CCDC180: variants seen among roughly 807,000 people sequenced by gnomAD.
The protein encoded by CCDC180 is coiled-coil domain-containing protein 180.
A neutral mutation model predicts 209.2 loss-of-function variants in CCDC180; 154 were observed. That is an observed-to-expected ratio of 0.74 (90% confidence interval 0.65 to 0.84). The LOEUF (loss-of-function observed/expected upper bound fraction) is 0.84, where lower values mean the gene tolerates loss of function less well. CCDC180 is among the 40% of genes least tolerant of loss of function. CCDC180 has a pLI of 0.00. For missense variants in CCDC180, 1,874 were observed against 1,997.3 expected (o/e 0.94, Z 1.18); for synonymous variants, 778 against 749.1 (o/e 1.04, Z -0.63).
chr9:97,337,425 T>A (rs1161434157), intron 18 of CCDC180, among the ~76,000 whole-genome samples: 1 of 150,312 alleles, frequency 6.7e-6, no homozygotes, highest in Non-Finnish European at 1.5e-5. Flanking sequence ...GATAATCATG[T>A]GGGTTTTGTC....
At chr9:97,375,716 A>T in intron 36 of CCDC180, 127 bp downstream of exon 36, 2 of 1,116,468 alleles carry the variant, frequency 1.8e-6, no homozygotes, top group East Asian at 5.0e-5. Flanking sequence ...ATGTCAGCAC[A>T]CCCCAGAGCT....
intron 22 of CCDC180, among the ~76,000 whole-genome samples, chr9:97,351,332 TTTG>T (rs1826414493): frequency 1.3e-5 from 2 of 152,212 alleles, no homozygotes; most frequent in African/African-American, 4.8e-5. Flanking sequence ...TCTGGTGTTT[TTTG>T]TTTTTTATAA....
intron 18 of CCDC180, 136 bp downstream of exon 18, chr9:97,330,903 C>T (rs1825724227): frequency 1.1e-6 from 1 of 873,782 alleles, no homozygotes; most frequent in Non-Finnish European, 1.8e-6. Context: ...CAAAAATATT[C>T]ATACTATTCA....
chr9:97,370,896 G>T, intron 33 of CCDC180, 118 bp downstream of exon 33: 4 of 1,081,582 alleles, frequency 3.7e-6, no homozygotes, highest in Non-Finnish European at 5.2e-6. Flanking sequence ...AGGCATGATC[G>T]TGGTTGGGTT....
In CCDC180 at chr9:97,330,756, T is replaced by C; in HGVS notation, c.2263T>C (p.Ser755Pro). ...KEAQEEQESL[S>P]VGEEEDKEEG... is the part of the protein sequence containing the mutation. ...GGCACAGGAAGAGCAAGAGAGTTTA[T>C]CTGTGGGTGAGGTAAGCCAGCAACT... Residue 755 changes from serine (S) to proline (P), a missense_variant, in exon 18 of 37, where the codon TCT (serine) becomes CCT (proline). By Grantham distance (74) the Ser-to-Pro change is moderately conservative. Coordinates refer to ENST00000529487, the MANE Select transcript of CCDC180 (RefSeq NM_020893.6). 1 of 1,597,906 alleles carries C rather than the reference T, an allele frequency of 6.3e-7. No individual in the cohort carries two copies.
intron 25 of CCDC180, among the ~76,000 whole-genome samples, chr9:97,358,397 C>T (rs1221838624): frequency 6.6e-6 from 1 of 152,156 alleles, no homozygotes; most frequent in Non-Finnish European, 1.5e-5. Flanking sequence ...GCTGGGATTA[C>T]AGGTGTGAGC....
Position 97,323,840 on chromosome 9 carries a change from G to T in CCDC180, c.1308G>T (p.Gln436His). The change falls in exon 13 of 37, where the codon CAG becomes CAT. Residue 436 changes from glutamine to histidine, a missense_variant. By Grantham distance (24) the Gln-to-His change is conservative. Coordinates refer to ENST00000529487, the MANE Select transcript of CCDC180 (RefSeq NM_020893.6). ...TEEEAETLVN[Q>H]FFFQMVGALQ... ...AGGAGGCAGAGACCCTGGTGAACCA[G>T]TTCTTCTTCCAGATGGTGGGAGCAC... 1 of 1,556,346 alleles carries T rather than the reference G, an allele frequency of 6.4e-7. No individual in the cohort carries two copies. The highest frequency in any genetic ancestry group is 8.7e-7 in the Non-Finnish European group (1 of 1,149,402).
intron 4 of CCDC180, 68 bp downstream of exon 4, chr9:97,312,269 G>T (rs1204108838): frequency 2.2e-6 from 3 of 1,374,672 alleles, no homozygotes; most frequent in South Asian, 1.2e-5. Context: ...AGGAGGTGGG[G>T]ACGTCTCCTG....
chr9:97,359,255 G>A (rs187365148), intron 25 of CCDC180, among the ~76,000 whole-genome samples: 2 of 152,308 alleles, frequency 1.3e-5, no homozygotes, highest in East Asian at 1.9e-4. Context: ...GAACAGAAAC[G>A]TCCAGTCTCT....
Position 97,365,703 on chromosome 9 carries a change from C to G in CCDC180, c.4011C>G (p.Leu1337=). Residue 1337 remains leucine, a synonymous_variant, in exon 30 of 37, where the codon CTC becomes CTG. Coordinates refer to ENST00000529487, the MANE Select transcript of CCDC180 (RefSeq NM_020893.6). ...TTAAGGGGATCATCTTGACCCTCCT[C>G]TGGGAGAGCAGTGAGAACCTGCTGA... is the stretch of plus-strand genomic sequence containing the variant. The part of the protein sequence containing the change: ...EDFKGIILTL[L]WESSENLLTV... 1.2e-6 allele frequency: 2 copies of G among 1,614,140 alleles called. No individual in the cohort carries two copies. The highest frequency in any genetic ancestry group is 1.7e-6 in the Non-Finnish European group (2 of 1,180,004).
intron 35 of CCDC180, among the ~76,000 whole-genome samples, chr9:97,374,860 C>T (rs1827202134): frequency 6.6e-6 from 1 of 152,208 alleles, no homozygotes; most frequent in Non-Finnish European, 1.5e-5. Flanking sequence ...TGGGGTGCCC[C>T]AGCACATACA....
intron 20 of CCDC180, among the ~76,000 whole-genome samples, chr9:97,348,652 C>T (rs1018637016): frequency 3.3e-5 from 5 of 152,110 alleles, no homozygotes; most frequent in African/African-American, 1.2e-4. Context: ...GCTCTGGAAG[C>T]CCAGTCCTTG....
In CCDC180 at chr9:97,370,461, G is replaced by A. The variant is rs371721805; in HGVS notation, c.4351-180G>A. On this transcript the variant is annotated intron_variant, in intron 32 of 36. Coordinates refer to ENST00000529487, the MANE Select transcript of CCDC180 (RefSeq NM_020893.6). ...TCAGCCTTTTCTCTTCCAAACCCCC[G>A]AGTCAGCTCTAGCCATGCCCCCCTC... Among the ~76,000 whole-genome samples the A allele has an allele frequency of 2.0e-4, 30 of 151,610 alleles. 1 individual carries two copies. The East Asian group carries it at 4.7e-3, about 24-fold the overall frequency.
Position 97,361,636 on chromosome 9 carries a change from C to T in CCDC180, c.3484-90C>T, listed in dbSNP as rs552493364. Reference sequence around the variant, plus strand: ...CTTGCCTGCAGCCACTCCACTGAGGCAGGGTGGGAGGGAACATGAATTCGG... The same window carrying T: ...CTTGCCTGCAGCCACTCCACTGAGGTAGGGTGGGAGGGAACATGAATTCGG... On this transcript the variant is annotated intron_variant, in intron 26 of 36. Coordinates refer to ENST00000529487, the MANE Select transcript of CCDC180 (RefSeq NM_020893.6). 13 of 1,362,424 alleles carry T rather than the reference C, an allele frequency of 9.5e-6. No homozygotes were observed. In the South Asian group the frequency reaches 1.6e-4, roughly 17 times the overall value. 84.4% of individuals were successfully genotyped at this position (1,362,424 alleles called of 1,614,324 possible). A position where few individuals can be genotyped will look rare whatever the true frequency, so the allele number is the denominator to read the frequency against.
chr9:97,350,528 C>G lies in CCDC180; in HGVS notation c.2975C>G (p.Ser992Ter). The G allele has an allele frequency of 6.5e-7, 1 of 1,536,506 alleles. No individual in the cohort carries two copies. The highest frequency in any genetic ancestry group is 8.7e-7 in the Non-Finnish European group (1 of 1,147,022). The change falls in exon 22 of 37, where the codon TCA becomes TGA. Residue 992 changes from serine to a stop codon, truncating the protein, a stop_gained. Coordinates refer to ENST00000529487, the MANE Select transcript of CCDC180 (RefSeq NM_020893.6). LOFTEE classifies it high-confidence loss of function. ...GAGAGTCTGGGCAAACTCCGCTACT[C>G]AAATATTGAGTTCATCAAACACTGC... ...LEESLGKLRY[S>*]NIEFIKHCRL...
At chr9:97,370,929 T>C (rs1827074537) in intron 33 of CCDC180, 151 bp downstream of exon 33, 3 of 540,750 alleles carry the variant, frequency 5.5e-6, no homozygotes, top group East Asian at 3.7e-5. Flanking sequence ...ATGGCCATTA[T>C]TGGCTGTTTT....
intron 2 of CCDC180, 49 bp downstream of exon 2, chr9:97,308,181 T>G: frequency 6.7e-7 from 1 of 1,494,598 alleles, no homozygotes. Flanking sequence ...TTCCCTTGCT[T>G]TCTTCCAAAC....
At chr9:97,347,880 C>T (rs778574228) in intron 20 of CCDC180, among the ~76,000 whole-genome samples, 21 of 152,064 alleles carry the variant, frequency 1.4e-4, no homozygotes, top group African/African-American at 1.9e-4. Context: ...CTCCTGTGAC[C>T]GTGTGACCCT....
intron 3 of CCDC180, among the ~76,000 whole-genome samples, chr9:97,309,813 C>T (rs1003703493): frequency 6.6e-6 from 1 of 152,202 alleles, no homozygotes; most frequent in African/African-American, 2.4e-5. Flanking sequence ...GATTAAGTGC[C>T]TAGGACCAGG....
Sources: allele counts gnomAD v4.1 joint callset (sites outside exome capture counted in the v4.1 genomes callset), GRCh38; gene constraint gnomAD v4.1.1; transcripts MANE v1.5; gene names NCBI Gene and HGNC (gene_info 2026-07-23, HGNC 2026-07-21).